KATNIP: variants seen among roughly 807,000 people sequenced by gnomAD.
The protein encoded by KATNIP is katanin interacting protein.
KATNIP carries 126 observed loss-of-function variants against 174.0 expected under a neutral mutation model. The ratio of observed to expected loss-of-function variants is 0.72; its 90% CI spans 0.63 to 0.84. KATNIP has a LOEUF of 0.84. Ranked by LOEUF, KATNIP falls within the 40% of genes least tolerant of loss-of-function variation. The pLI is 0.00. For missense variants in KATNIP, 1,958 were observed against 2,109.7 expected (o/e 0.93, Z 1.41); for synonymous variants, 810 against 835.7 (o/e 0.97, Z 0.53).
At chr16:27,582,266 T>TA (rs890349976) in intron 2 of KATNIP, among the ~76,000 whole-genome samples, 77 of 151,918 alleles carry the variant, frequency 5.1e-4, no homozygotes, top group African/African-American at 1.8e-3. Context: ...TGCTTTGTTT[T>TA]AAAAAAAGTT....
intron 5 of KATNIP, among the ~76,000 whole-genome samples, chr16:27,646,086 A>C (rs979988189): frequency 6.6e-6 from 1 of 152,230 alleles, no homozygotes; most frequent in Non-Finnish European, 1.5e-5. Flanking sequence ...CAGAGGTGGG[A>C]GAGTTCAGGG....
At chr16:27,564,464 AATGCGCGT>A (rs1334273228) in intron 1 of KATNIP, among the ~76,000 whole-genome samples, 1 of 152,014 alleles carries the variant, frequency 6.6e-6, no homozygotes, top group Non-Finnish European at 1.5e-5. Context: ...AAACCAAGCA[AATGCGCGT>A]TAACGGTGTG....
intron 2 of KATNIP, among the ~76,000 whole-genome samples, chr16:27,586,079 G>A (rs926949325): frequency 2.0e-5 from 3 of 151,958 alleles, no homozygotes; most frequent in South Asian, 2.1e-4. Flanking sequence ...CAGCCTGGGC[G>A]ATAAGAGGGA....
chr16:27,642,616 G>C (rs755085555), intron 5 of KATNIP, among the ~76,000 whole-genome samples: 2 of 152,100 alleles, frequency 1.3e-5, no homozygotes, highest in Non-Finnish European at 2.9e-5. Context: ...GGTAACACAT[G>C]TGCTAAGACC....
intron 8 of KATNIP, chr16:27,687,335 AT>A (rs1239843362): frequency 1.3e-5 from 2 of 152,164 alleles, no homozygotes; most frequent in African/African-American, 4.8e-5. Flanking sequence ...ATATTTAAAA[AT>A]ATTTTCTAGG....
At chr16:27,720,510 T>TG (rs942517952) in intron 13 of KATNIP, among the ~76,000 whole-genome samples, 3 of 150,510 alleles carry the variant, frequency 2.0e-5, no homozygotes, top group Non-Finnish European at 3.0e-5. Flanking sequence ...TTTTTTTTTT[T>TG]TTTTTGGCAT....
chr16:27,761,617 T>C (rs752003953), intron 19 of KATNIP, 27 bp downstream of exon 19: 289 of 1,586,880 alleles, frequency 1.8e-4, no homozygotes, highest in Non-Finnish European at 1.9e-4. Context: ...AGCTTTACTT[T>C]CATGCCCACT....
chr16:27,726,293 G>C (rs2080447364), intron 14 of KATNIP, among the ~76,000 whole-genome samples: 1 of 152,110 alleles, frequency 6.6e-6, no homozygotes, highest in African/African-American at 2.4e-5. Context: ...ACCAGTCCCT[G>C]GTGCCCAAAA....
chr16:27,651,844 C>T (rs2077130599), intron 6 of KATNIP, among the ~76,000 whole-genome samples: 1 of 152,162 alleles, frequency 6.6e-6, no homozygotes, highest in South Asian at 2.1e-4. Flanking sequence ...CTCTGCCTCC[C>T]GAGTAGTTGA....
chr16:27,728,133 G>A (rs2080522584), intron 14 of KATNIP, among the ~76,000 whole-genome samples: 1 of 152,284 alleles, frequency 6.6e-6, no homozygotes, highest in Admixed American at 6.5e-5. Context: ...GCAGGGTCTG[G>A]GCGCTGTGGG....
chr16:27,697,709 G>T (rs1383503540), intron 8 of KATNIP, among the ~76,000 whole-genome samples: 1 of 151,954 alleles, frequency 6.6e-6, no homozygotes, highest in Non-Finnish European at 1.5e-5. Context: ...CAGATAAATT[G>T]ATCGATAGAG....
Position 27,761,462 on chromosome 16 carries a change from G to C in KATNIP, c.3681G>C (p.Gly1227=), listed in dbSNP as rs370526507. 6.2e-7 allele frequency: 1 copy of C among 1,613,934 alleles called. No homozygotes were observed. Among genetic ancestry groups the C allele is most frequent in the Non-Finnish European group, 8.5e-7 (1 of 1,180,034 alleles). ...CCTGGGGAGACTTGCACTACCTGGG[G>C]CTCACTGGCCTGGAAGTGGTGGGCA... is the stretch of plus-strand genomic sequence containing the variant. ...TASWGDLHYL[G]LTGLEVVGKE... Residue 1227 remains glycine, a synonymous_variant, in exon 19 of 28, where the codon GGG becomes GGC. Coordinates refer to ENST00000261588, the MANE Select transcript of KATNIP (RefSeq NM_015202.5).
intron 6 of KATNIP, among the ~76,000 whole-genome samples, chr16:27,649,930 C>T (rs369230033): frequency 2.0e-5 from 3 of 152,166 alleles, no homozygotes; most frequent in African/African-American, 7.2e-5. Flanking sequence ...AATCCTAGCA[C>T]TTTGGGAGGC....
At chr16:27,559,350 T>C (rs1409056304) in intron 1 of KATNIP, among the ~76,000 whole-genome samples, 2 of 152,196 alleles carry the variant, frequency 1.3e-5, no homozygotes, top group East Asian at 3.8e-4. Context: ...TACACTGCGC[T>C]GTACAGTGTC....
chr16:27,677,854 G>A lies in KATNIP; in HGVS notation c.666G>A (p.Leu222=), dbSNP rs774835132. The part of the protein sequence containing the change: ...LSEPEPEDPA[L]VGHPRHDRPP... The stretch of plus-strand genomic sequence containing the variant: ...AGCCTGAGCCAGAGGACCCGGCACT[G>A]GTGGGCCATCCCAGACATGACCGCC... Residue 222 remains leucine (L), a synonymous_variant, in exon 7 of 28, where the codon CTG becomes CTA. Transcript: ENST00000261588. 1.9e-6 allele frequency: 3 copies of A among 1,614,218 alleles called. No homozygotes were observed. The Admixed American group carries it at 5.0e-5, about 27-fold the overall frequency.
intron 13 of KATNIP, among the ~76,000 whole-genome samples, chr16:27,717,973 C>T (rs764400207): frequency 1.3e-5 from 2 of 152,164 alleles, no homozygotes; most frequent in African/African-American, 2.4e-5. Flanking sequence ...TGAAAACATA[C>T]CCTTTATGAG....
Position 27,761,424 on chromosome 16 carries a change from A to G in KATNIP, c.3643A>G (p.Asn1215Asp), listed in dbSNP as rs549052306. ...GIYHGICLQL[N>D]FTASWGDLHY... ...TCTTCCTGTTGCAGGCCTTCAGCTG[A>G]ATTTCACTGCCTCCTGGGGAGACTT... Residue 1215 changes from asparagine (N) to aspartate (D), a missense_variant, in exon 19 of 28, where the codon AAT (asparagine) becomes GAT (aspartate). Coordinates refer to ENST00000261588, the MANE Select transcript of KATNIP (RefSeq NM_015202.5). 7.8e-4 allele frequency: 1,258 copies of G among 1,608,132 alleles called. 23 individuals carry two copies. The South Asian group carries it at 0.013, about 17-fold the overall frequency.
intron 2 of KATNIP, among the ~76,000 whole-genome samples, chr16:27,586,645 A>G (rs1052530347): frequency 2.0e-5 from 3 of 152,022 alleles, no homozygotes; most frequent in Non-Finnish European, 4.4e-5. Flanking sequence ...CCTGGGCAAC[A>G]TGGCAAAACC....
chr16:27,607,661 A>ACG, intron 2 of KATNIP, among the ~76,000 whole-genome samples: 1 of 148,494 alleles, frequency 6.7e-6, no homozygotes, highest in South Asian at 2.1e-4. Context: ...GCAGTGGCAC[A>ACG]ATCTCAGCTC....
Sources: allele counts gnomAD v4.1 joint callset (sites outside exome capture counted in the v4.1 genomes callset), GRCh38; gene constraint gnomAD v4.1.1; transcripts MANE v1.5; gene names NCBI Gene and HGNC (gene_info 2026-07-23, HGNC 2026-07-21).